Variants in MRPL1 observed in about 807,000 individuals in gnomAD.
The protein encoded by MRPL1 is mitochondrial ribosomal protein L1.
A neutral mutation model predicts 38.0 loss-of-function variants in MRPL1; 28 were observed. The observed-to-expected ratio is 0.74, with a 90% confidence interval of 0.55 to 1.01. The LOEUF (loss-of-function observed/expected upper bound fraction) is 1.01. Among genes scored for constraint, MRPL1 ranks in the 50% least tolerant of loss-of-function variants. MRPL1 has a pLI of 0.00. For missense variants in MRPL1, 358 were observed against 389.8 expected, an observed-to-expected ratio of 0.92 and a Z score of 0.69; for synonymous variants, 123 against 126.7, an observed-to-expected ratio of 0.97 and a Z score of 0.20.
Position 77,863,461 on chromosome 4 carries a change from A to ATTTTTTTTTTTT in MRPL1, c.31+592_31+603dup, listed in dbSNP as rs969402527. Among the ~76,000 whole-genome samples, 54 of 112,662 alleles carry ATTTTTTTTTTTT rather than the reference A, an allele frequency of 4.8e-4. 2 individuals are homozygous for ATTTTTTTTTTTT. The highest frequency in any genetic ancestry group is 8.8e-4 in the African/African-American group (23 of 26,136). The allele number at this position is 112,662 out of a possible 152,430, so 73.9% of individuals were successfully genotyped here. The stretch of plus-strand genomic sequence containing the variant: ...GATGACAGCCCTTTCTTGTGCAACA[A>ATTTTTTTTTTTT]TTTTTTTTTTTTTTTTTTTTTGAGA... On this transcript the variant is annotated intron_variant, in intron 1 of 8. Transcript: ENST00000315567.
At chr4:77,928,481 T>A (rs1736767773) in intron 7 of MRPL1, among the ~76,000 whole-genome samples, 1 of 152,338 alleles carries the variant, frequency 6.6e-6, no homozygotes. Flanking sequence ...TTCCTTCTAG[T>A]TAATAATTAA....
intron 7 of MRPL1, among the ~76,000 whole-genome samples, chr4:77,925,490 C>G (rs188285312): frequency 6.6e-6 from 1 of 151,548 alleles, no homozygotes; most frequent in Non-Finnish European, 1.5e-5. Flanking sequence ...TACAGGTGCC[C>G]GCCACTATGC....
intron 1 of MRPL1, among the ~76,000 whole-genome samples, chr4:77,869,115 T>C (rs944486795): frequency 6.6e-6 from 1 of 152,162 alleles, no homozygotes; most frequent in African/African-American, 2.4e-5. Context: ...AATAGATGGA[T>C]ACGATTCCCT....
At chr4:77,880,255 C>CA (rs1735506312) in intron 2 of MRPL1, among the ~76,000 whole-genome samples, 1 of 152,174 alleles carries the variant, frequency 6.6e-6, no homozygotes, top group African/African-American at 2.4e-5. Flanking sequence ...CATTTCCTTG[C>CA]AATCCCCAGC....
intron 2 of MRPL1, among the ~76,000 whole-genome samples, chr4:77,876,053 G>A (rs545511014): frequency 7.2e-4 from 109 of 152,062 alleles, no homozygotes; most frequent in African/African-American, 2.3e-3. Flanking sequence ...GCTCATTGTA[G>A]CCTCCACCTC....
chr4:77,902,864 T>C (rs1238334023), intron 6 of MRPL1, among the ~76,000 whole-genome samples: 8 of 152,200 alleles, frequency 5.3e-5, no homozygotes, highest in African/African-American at 1.9e-4. Context: ...TAGTCATGTA[T>C]AAGTTCTCCC....
chr4:77,947,548 C>T (rs995027801), intron 7 of MRPL1, among the ~76,000 whole-genome samples: 7 of 152,248 alleles, frequency 4.6e-5, no homozygotes, highest in East Asian at 3.9e-4. Context: ...ATCCTGCCTC[C>T]GTAAGACCAC....
At chr4:77,937,127 A>G (rs1737003796) in intron 7 of MRPL1, among the ~76,000 whole-genome samples, 1 of 151,980 alleles carries the variant, frequency 6.6e-6, no homozygotes, top group Non-Finnish European at 1.5e-5. Context: ...GCTGTCTCAA[A>G]AAAAAAAAGA....
At position 77,886,252 on chromosome 4, in the gene MRPL1, C is replaced by T. The variant is rs145045625; in HGVS notation, c.486+913C>T. 2.2e-3 allele frequency among the ~76,000 whole-genome samples: 342 copies of T among 152,186 alleles called. 1 individual carries two copies. Among genetic ancestry groups the T allele is most frequent in the Admixed American group, 5.5e-3 (84 of 15,264 alleles). Reference sequence around the variant, plus strand: ...GGTGCAGTCATACTCACTATAGCCTCGGACTCCTGGGCTGAAGCGATTCTC... The same window carrying T: ...GGTGCAGTCATACTCACTATAGCCTTGGACTCCTGGGCTGAAGCGATTCTC... On this transcript the variant is annotated intron_variant, in intron 4 of 8. Transcript: ENST00000315567.
chr4:77,867,591 G>A (rs764644688), intron 1 of MRPL1, among the ~76,000 whole-genome samples: 5 of 151,582 alleles, frequency 3.3e-5, no homozygotes, highest in Admixed American at 6.6e-5. Flanking sequence ...TCACTATGTT[G>A]CCCAAGCTGG....
chr4:77,884,244 CA>C (rs369596317), intron 3 of MRPL1, among the ~76,000 whole-genome samples: 1,823 of 89,028 alleles, frequency 0.02, 6 homozygotes, highest in Middle Eastern at 0.09. Context: ...GACTCCATCT[CA>C]AAAAAAAAAA....
rs556075619 is a variant in MRPL1, at chr4:77,890,877, T to A, written c.559-3262T>A. Among the ~76,000 whole-genome samples the A allele has an allele frequency of 5.9e-5, 9 of 152,296 alleles. No individual in the cohort carries two copies. The East Asian group carries it at 1.7e-3, about 29-fold the overall frequency. On this transcript the variant is annotated intron_variant, in intron 5 of 8. Coordinates refer to ENST00000315567, the MANE Select transcript of MRPL1 (RefSeq NM_020236.4). ...GGAGGAGAAAGTAGACAGGAAATAG[T>A]GATTTGAAAATTTATCCTTTGTCCC...
At chr4:77,883,561 C>T (rs981913933) in intron 3 of MRPL1, 61 bp downstream of exon 3, 1 of 1,420,532 alleles carries the variant, frequency 7.0e-7, no homozygotes, top group Non-Finnish European at 9.4e-7. Flanking sequence ...ATTGGTGTTT[C>T]TTTATTTTAT....
intron 7 of MRPL1, among the ~76,000 whole-genome samples, chr4:77,947,245 G>C (rs1189810435): frequency 6.6e-6 from 1 of 152,198 alleles, no homozygotes; most frequent in Non-Finnish European, 1.5e-5. Context: ...GGGTTGCTAA[G>C]CAGACAGTAA....
chr4:77,916,356 A>G (rs576884493), intron 7 of MRPL1, among the ~76,000 whole-genome samples: 13 of 152,184 alleles, frequency 8.5e-5, no homozygotes, highest in Non-Finnish European at 1.6e-4. Flanking sequence ...TTTCCCTGCA[A>G]TAGTTTTCTT....
intron 7 of MRPL1, among the ~76,000 whole-genome samples, chr4:77,920,575 G>A (rs1214425275): frequency 6.6e-6 from 1 of 152,164 alleles, no homozygotes; most frequent in African/African-American, 2.4e-5. Context: ...AGAGACTATA[G>A]GAACCTGCAT....
chr4:77,907,763 C>T (rs111847196), intron 6 of MRPL1, among the ~76,000 whole-genome samples: 10,228 of 152,142 alleles, frequency 0.067, 563 homozygotes, highest in African/African-American at 0.15. Context: ...GGGGTTTCGC[C>T]GTGTTGGCCA....
intron 7 of MRPL1, among the ~76,000 whole-genome samples, chr4:77,921,777 T>G (rs554396454): frequency 1.3e-5 from 2 of 152,252 alleles, no homozygotes; most frequent in East Asian, 1.9e-4. Context: ...GCAGAGTTTT[T>G]TTTTTTTTTT....
At chr4:77,941,190 G>A (rs924139752) in intron 7 of MRPL1, among the ~76,000 whole-genome samples, 9 of 151,898 alleles carry the variant, frequency 5.9e-5, no homozygotes, top group Non-Finnish European at 1.0e-4. Flanking sequence ...ACTTGAACCC[G>A]GGAGGCAGTG....
Sources: allele counts gnomAD v4.1 joint callset (sites outside exome capture counted in the v4.1 genomes callset), GRCh38; gene constraint gnomAD v4.1.1; transcripts MANE v1.5; gene names NCBI Gene and HGNC (gene_info 2026-07-23, HGNC 2026-07-21).